WDTC1: variants seen among roughly 807,000 people sequenced by gnomAD.
WDTC1 encodes WD and tetratricopeptide repeats 1.
Under a neutral mutation model 76.0 loss-of-function variants are expected in WDTC1, and 12 were observed. The ratio of observed to expected loss-of-function variants is 0.16; its 90% CI spans 0.10 to 0.26. The LOEUF is 0.26. Among genes scored for constraint, WDTC1 ranks in the 10% least tolerant of loss-of-function variants. The probability of loss-of-function intolerance (pLI) is 1.00; values close to 1 mark genes in which losing one functional copy is unlikely to be tolerated. For synonymous variants in WDTC1, 326 were observed against 350.8 expected (o/e 0.93, Z 0.79); for missense variants, 511 against 908.8 (o/e 0.56, Z 5.63).
intron 1 of WDTC1, among the ~76,000 whole-genome samples, chr1:27,256,571 C>A (rs1003339997): frequency 1.3e-5 from 2 of 152,218 alleles, no homozygotes; most frequent in African/African-American, 2.4e-5. Context: ...AAGTAGCTCA[C>A]CAGTTATTGT....
chr1:27,293,364 G>A (rs575177005), intron 7 of WDTC1, among the ~76,000 whole-genome samples: 6 of 150,090 alleles, frequency 4.0e-5, no homozygotes, highest in South Asian at 4.2e-4. Context: ...CCTGGGAGGC[G>A]GAGCTTGCAG....
chr1:27,279,659 C>T (rs555494821), intron 3 of WDTC1, among the ~76,000 whole-genome samples: 26 of 152,196 alleles, frequency 1.7e-4, no homozygotes, highest in East Asian at 1.4e-3. Flanking sequence ...CTCCACCTCC[C>T]GGATTCAAGT....
chr1:27,282,177 G>T (rs1381295657), intron 3 of WDTC1, 62 bp from the exon 4 acceptor site: 1 of 1,530,458 alleles, frequency 6.5e-7, no homozygotes, highest in African/African-American at 1.4e-5. Context: ...ACTTCTTGGT[G>T]TTGAGTTCCC....
Position 27,296,279 on chromosome 1 carries a change from C to G in WDTC1, c.874-47C>G, listed in dbSNP as rs757943169. 8 of 1,610,816 alleles carry G rather than the reference C, an allele frequency of 5.0e-6. No individual in the cohort carries two copies. The South Asian group carries it at 8.8e-5, about 18-fold the overall frequency. On this transcript the variant is annotated intron_variant, in intron 9 of 15. Transcript: ENST00000319394. ...GACCTGCTTACTGGTTCAACCACAT[C>G]CTTACCTCACAGCTTCCATCTCTTT...
intron 2 of WDTC1, among the ~76,000 whole-genome samples, chr1:27,262,455 C>G (rs756962299): frequency 6.6e-6 from 1 of 151,922 alleles, no homozygotes; most frequent in African/African-American, 2.4e-5. Context: ...GTGGCATGAT[C>G]TTGGCTCATT....
At chr1:27,236,149 A>G (rs1480636595) in intron 1 of WDTC1, among the ~76,000 whole-genome samples, 1 of 152,120 alleles carries the variant, frequency 6.6e-6, no homozygotes, top group Non-Finnish European at 1.5e-5. Flanking sequence ...ACTTAATGCT[A>G]TTTCTGTCTT....
chr1:27,290,038 G>A (rs1404244211), intron 6 of WDTC1, among the ~76,000 whole-genome samples: 3 of 151,774 alleles, frequency 2.0e-5, no homozygotes, highest in Non-Finnish European at 4.4e-5. Context: ...AGAGGGAGAG[G>A]GAGACCGTGG....
rs1417545930 is a variant in WDTC1 at position 27,239,060 on chromosome 1, G to A, written c.-100+4109G>A. The stretch of plus-strand genomic sequence containing the variant: ...TGGGAAGACAGGTGTGTGCCATCAC[G>A]CCTGGCTAATTTTTTAATTTTTTCA... On this transcript the variant is annotated intron_variant, in intron 1 of 15. Coordinates refer to ENST00000319394, the MANE Select transcript of WDTC1 (RefSeq NM_001276252.2). 1.4e-4 allele frequency among the ~76,000 whole-genome samples: 19 copies of A among 139,946 alleles called. No homozygotes were observed. In the East Asian group the frequency reaches 1.6e-3, roughly 12 times the overall value. The allele number at this position is 139,946 out of a possible 152,430, so 91.8% of individuals were successfully genotyped here.
chr1:27,235,028 C>T (rs1184761877), intron 1 of WDTC1, 77 bp downstream of exon 1: 6 of 364,108 alleles, frequency 1.6e-5, no homozygotes, highest in Admixed American at 4.7e-5. Context: ...GTGAACGGGC[C>T]GCCCGCTCTG....
At chr1:27,240,936 CTG>C (rs1181426423) in intron 1 of WDTC1, among the ~76,000 whole-genome samples, 2 of 146,702 alleles carry the variant, frequency 1.4e-5, no homozygotes, top group South Asian at 4.3e-4. Context: ...GATCGCAACA[CTG>C]TACTCCAGCC....
intron 3 of WDTC1, among the ~76,000 whole-genome samples, chr1:27,266,082 C>T (rs968446232): frequency 1.3e-5 from 2 of 151,998 alleles, no homozygotes; most frequent in East Asian, 3.8e-4. Context: ...TGTTAAGAAC[C>T]ACTACTCTAT....
chr1:27,237,804 T>A (rs2011522948), intron 1 of WDTC1, among the ~76,000 whole-genome samples: 1 of 146,000 alleles, frequency 6.8e-6, no homozygotes, highest in Non-Finnish European at 1.5e-5. Flanking sequence ...GAGGTTGCGG[T>A]GAGCTGTGAT....
At chr1:27,241,040 T>C (rs1248298750) in intron 1 of WDTC1, among the ~76,000 whole-genome samples, 1 of 150,854 alleles carries the variant, frequency 6.6e-6, no homozygotes, top group African/African-American at 2.4e-5. Flanking sequence ...CCAGAGTGTA[T>C]AGGAGGCAGT....
At chr1:27,247,920 G>A (rs879860975) in intron 1 of WDTC1, among the ~76,000 whole-genome samples, 4 of 152,064 alleles carry the variant, frequency 2.6e-5, no homozygotes, top group African/African-American at 4.8e-5. Context: ...GTTTCTCCAC[G>A]TTGGCCAGGC....
chr1:27,297,944 A>G lies in WDTC1; in HGVS notation c.1065A>G (p.Gln355=). The stretch of plus-strand genomic sequence containing the variant: ...GGCTCTATTTCCCCTGCAGCCCCCA[A>G]GTAGAGCTACCACCATACCTGGAGC... ...LPESRGHVSP[Q]VELPPYLERV... The change falls in exon 12 of 16, where the codon CAA becomes CAG. Residue 355 remains glutamine, a synonymous_variant. Transcript: ENST00000319394. 6 of 1,610,356 alleles carry G rather than the reference A, an allele frequency of 3.7e-6. No individual in the cohort carries two copies. Among genetic ancestry groups the G allele is most frequent in the Non-Finnish European group, 5.1e-6 (6 of 1,177,578 alleles).
At chr1:27,283,559 T>G in intron 5 of WDTC1, 110 bp downstream of exon 5, 1 of 844,338 alleles carries the variant, frequency 1.2e-6, no homozygotes, top group African/African-American at 1.7e-5. Context: ...CCGTCTAGGG[T>G]CACAGACAAC....
intron 9 of WDTC1, 26 bp from the exon 10 acceptor site, chr1:27,296,300 T>A: frequency 6.2e-7 from 1 of 1,614,052 alleles, no homozygotes; most frequent in Non-Finnish European, 8.5e-7. Flanking sequence ...AGCTTCCATC[T>A]CTTTTTTTGC....
In WDTC1 at chr1:27,288,272, T is replaced by A. The variant is rs571014312; in HGVS notation, c.479+411T>A. Among the ~76,000 whole-genome samples, 21 of 152,282 alleles carry A rather than the reference T, an allele frequency of 1.4e-4. No homozygotes were observed. In the South Asian group the frequency reaches 4.4e-3, roughly 32 times the overall value. ...CCATCCTGTCTAAAGTAGACAGACG[T>A]TATGCTTGTTTTAACAATTATATCC... On this transcript the variant is annotated intron_variant, in intron 6 of 15. Coordinates refer to ENST00000319394, the MANE Select transcript of WDTC1 (RefSeq NM_001276252.2).
At chr1:27,242,048 C>T (rs1410608745) in intron 1 of WDTC1, among the ~76,000 whole-genome samples, 1 of 151,972 alleles carries the variant, frequency 6.6e-6, no homozygotes, top group Non-Finnish European at 1.5e-5. Context: ...TGTGCCATCA[C>T]GCCTGGCTAA....
Sources: allele counts gnomAD v4.1 joint callset (sites outside exome capture counted in the v4.1 genomes callset), GRCh38; gene constraint gnomAD v4.1.1; transcripts MANE v1.5; gene names NCBI Gene and HGNC (gene_info 2026-07-23, HGNC 2026-07-21).